Variants in ASAP3 observed in about 807,000 individuals in gnomAD.
ASAP3 encodes the protein arf-GAP with SH3 domain, ANK repeat and PH domain-containing protein 3.
In ASAP3, 85 loss-of-function variants were observed where a neutral mutation model predicts 118.2. That is an observed-to-expected ratio of 0.72 (90% CI 0.60 to 0.86). The LOEUF is 0.86. Among genes scored for constraint, ASAP3 ranks in the 40% least tolerant of loss-of-function variants. ASAP3 has a pLI of 0.00. For missense variants in ASAP3, 1,026 were observed against 1,175.0 expected, an observed-to-expected ratio of 0.87 and a Z score of 1.85; for synonymous variants, 432 against 477.4, an observed-to-expected ratio of 0.90 and a Z score of 1.24.
At chr1:23,478,800 C>T (rs2742958) in intron 1 of ASAP3, among the ~76,000 whole-genome samples, 15,419 of 151,956 alleles carry the variant, frequency 0.1, 2,559 homozygotes, top group African/African-American at 0.34. Flanking sequence ...AACTCCTATA[C>T]CTGAGTTTTC....
intron 4 of ASAP3, among the ~76,000 whole-genome samples, chr1:23,452,156 T>A (rs535205297): frequency 2.3e-3 from 351 of 152,278 alleles, no homozygotes; most frequent in African/African-American, 8.2e-3. Flanking sequence ...GTTAGCAGGC[T>A]GGTGCCACGC....
chr1:23,467,737 G>C (rs1395693590), intron 1 of ASAP3, among the ~76,000 whole-genome samples: 1 of 151,902 alleles, frequency 6.6e-6, no homozygotes, highest in Non-Finnish European at 1.5e-5. Flanking sequence ...GGATCACGAG[G>C]TCAGGAGTTC....
chr1:23,441,851 G>T, intron 7 of ASAP3, 121 bp from the exon 8 acceptor site: 1 of 1,026,704 alleles, frequency 9.7e-7, no homozygotes, highest in East Asian at 2.5e-5. Context: ...GTAGTCTGAC[G>T]GTCAAGAACA....
At chr1:23,440,582 C>T (rs1229461302) in intron 10 of ASAP3, among the ~76,000 whole-genome samples, 2 of 143,178 alleles carry the variant, frequency 1.4e-5, no homozygotes. Flanking sequence ...GCCAGCCGGG[C>T]GCGGTGGCTC....
rs34746665 is a variant in ASAP3, at chr1:23,433,701, CG to C, written c.1952-9del. 4 of 1,614,028 alleles carry C rather than the reference CG, an allele frequency of 2.5e-6. No homozygotes were observed. The highest frequency in any genetic ancestry group is 2.5e-6 in the Non-Finnish European group (3 of 1,180,016). On this transcript the variant is annotated splice_polypyrimidine_tract_variant and intron_variant, in intron 19 of 24. Transcript: ENST00000336689. ...TCTCGCCTGCTTCATTTACTGTGAG[CG>C]GGGAAAGTCAGGGTTCATGGTCATA...
At position 23,437,543 on chromosome 1, in the gene ASAP3, A is replaced by T; in HGVS notation, c.1103-71T>A. 7 of 1,587,038 alleles carry T rather than the reference A, an allele frequency of 4.4e-6. No individual in the cohort carries two copies. The highest frequency in any genetic ancestry group is 6.0e-6 in the Non-Finnish European group (7 of 1,161,854). On this transcript the variant is annotated intron_variant, in intron 12 of 24. Coordinates refer to ENST00000336689, the MANE Select transcript of ASAP3 (RefSeq NM_017707.4). This position sits in a 1 kb window ranked among gnomAD's most constrained non-coding sequence, Gnocchi z 6.1. ...CCTTCCCGGAGCCCAGGGAGCCCCC[A>T]CCAAAGCCGCTGGGGCCACATGGAG...
At position 23,436,104 on chromosome 1, in the gene ASAP3, G is replaced by T; in HGVS notation, c.1572-76C>A. ...TGATCCCTGGGGCCCTCCCACAGGA[G>T]ATACAGCTCTCTTTTTCTCCAGAAC... On this transcript the variant is annotated intron_variant, in intron 16 of 24. Coordinates refer to ENST00000336689, the MANE Select transcript of ASAP3 (RefSeq NM_017707.4). The surrounding 1 kb of genome is among the most constrained non-coding windows in gnomAD (Gnocchi z 4.2). The T allele has an allele frequency of 6.7e-7, 1 of 1,485,096 alleles. No homozygotes were observed. Among genetic ancestry groups the T allele is most frequent in the Non-Finnish European group, 9.3e-7 (1 of 1,069,850 alleles). The allele number at this position is 1,485,096 out of a possible 1,614,324, so 92.0% of individuals were successfully genotyped here.
At chr1:23,464,497 A>T (rs1247767636) in intron 1 of ASAP3, among the ~76,000 whole-genome samples, 2 of 151,468 alleles carry the variant, frequency 1.3e-5, no homozygotes, top group African/African-American at 2.4e-5. Flanking sequence ...ATTACAAAAA[A>T]TTTTTTAAAA....
intron 1 of ASAP3, among the ~76,000 whole-genome samples, chr1:23,460,506 C>CAAA (rs71023213): frequency 2.4e-4 from 20 of 84,784 alleles, no homozygotes; most frequent in Admixed American, 4.1e-4. Context: ...GACTCCATCT[C>CAAA]AAAAAAAAAA....
intron 17 of ASAP3, 132 bp from the exon 18 acceptor site, chr1:23,434,750 T>A: frequency 1.3e-6 from 1 of 785,674 alleles, no homozygotes; most frequent in Non-Finnish European, 2.1e-6. Flanking sequence ...GAGATGAGAC[T>A]GCAAGGGCAG....
At chr1:23,440,855 CA>C (rs35532104) in intron 10 of ASAP3, among the ~76,000 whole-genome samples, 74,160 of 109,964 alleles carry the variant, frequency 0.67, 23,555 homozygotes, top group South Asian at 0.75. Flanking sequence ...GACTCTATCT[CA>C]AAAAAAAAAA....
At chr1:23,452,905 T>C in intron 3 of ASAP3, 134 bp from the exon 4 acceptor site, 1 of 857,676 alleles carries the variant, frequency 1.2e-6, no homozygotes, top group East Asian at 2.5e-5. Flanking sequence ...AAAGATGTTA[T>C]CAAAGAGATG....
chr1:23,454,449 G>A (rs1241863140), intron 3 of ASAP3, among the ~76,000 whole-genome samples: 3 of 152,116 alleles, frequency 2.0e-5, no homozygotes, highest in African/African-American at 7.2e-5. Flanking sequence ...GCCTCCCAAA[G>A]TGCTGGGATT....
At chr1:23,461,670 C>T (rs1641590569) in intron 1 of ASAP3, among the ~76,000 whole-genome samples, 1 of 147,102 alleles carries the variant, frequency 6.8e-6, no homozygotes, top group Non-Finnish European at 1.5e-5. Flanking sequence ...CAAACGCACC[C>T]CCCCACAAAA....
At chr1:23,455,286 G>A (rs1243609283) in intron 3 of ASAP3, among the ~76,000 whole-genome samples, 1 of 152,210 alleles carries the variant, frequency 6.6e-6, no homozygotes, top group East Asian at 1.9e-4. Context: ...CCTGCACATG[G>A]GAAGAGCTGC....
chr1:23,441,410 T>G lies in ASAP3; in HGVS notation c.811A>C (p.Thr271Pro). The G allele has an allele frequency of 1.2e-6, 2 of 1,614,124 alleles. No homozygotes were observed. Among genetic ancestry groups the G allele is most frequent in the Non-Finnish European group, 8.5e-7 (1 of 1,180,020 alleles). The change falls in exon 9 of 25, where the codon ACA becomes CCA. Residue 271 changes from threonine (T) to proline (P), a missense_variant. By Grantham distance (38) the Thr-to-Pro change is conservative. Transcript: ENST00000336689. Reference sequence around the variant, plus strand: ...ACCTCTCTGCTCTCAAGCTGCAGTGTCCCTCGGAGGGAGTCCCGGAGCTGG... The same window carrying G: ...ACCTCTCTGCTCTCAAGCTGCAGTGGCCCTCGGAGGGAGTCCCGGAGCTGG... ...LTQLRDSLRGTLQLESREEHL... is the reference protein window; with the variant it reads ...LTQLRDSLRGPLQLESREEHL...
intron 7 of ASAP3, 82 bp from the exon 8 acceptor site, chr1:23,441,812 G>A (rs745815348): frequency 1.5e-5 from 22 of 1,464,302 alleles, no homozygotes; most frequent in East Asian, 2.3e-5. Context: ...AGAAGCTGCC[G>A]TAAGGATCAC....
At chr1:23,453,033 G>A (rs1641272438) in intron 3 of ASAP3, among the ~76,000 whole-genome samples, 1 of 152,102 alleles carries the variant, frequency 6.6e-6, no homozygotes, top group Non-Finnish European at 1.5e-5. Context: ...GGCTTCCTGT[G>A]TGAAAGGGGG....
In ASAP3 at chr1:23,429,930, C is replaced by A. The variant is rs1416630959; in HGVS notation, c.2638G>T (p.Val880Phe). 6.2e-7 allele frequency: 1 copy of A among 1,613,506 alleles called. No individual in the cohort carries two copies. The highest frequency in any genetic ancestry group is 8.5e-7 in the Non-Finnish European group (1 of 1,179,766). ...GAGCCATCTCCTTCAGTGATGCCAACCTGCAGAAAGAAGGATGAAACTGAC... is the reference window on the plus strand; with the variant it reads ...GAGCCATCTCCTTCAGTGATGCCAAACTGCAGAAAGAAGGATGAAACTGAC... ...RQPLPRRNVP[V>F]GITEGDGSRT... The change falls in exon 25 of 25, where the codon GTT (valine) becomes TTT (phenylalanine). Residue 880 changes from valine to phenylalanine, a missense_variant and splice_region_variant. By Grantham distance (50) the Val-to-Phe change is conservative (BLOSUM62 -1). Coordinates refer to ENST00000336689, the MANE Select transcript of ASAP3 (RefSeq NM_017707.4).
Sources: allele counts gnomAD v4.1 joint callset (sites outside exome capture counted in the v4.1 genomes callset), GRCh38; gene constraint gnomAD v4.1.1; non-coding constraint Gnocchi (gnomAD v3.1); transcripts MANE v1.5; gene names NCBI Gene and HGNC (gene_info 2026-07-23, HGNC 2026-07-21).